Variants in LATS1 observed in about 807,000 individuals in gnomAD.
LATS1 encodes serine/threonine-protein kinase LATS1.
A neutral mutation model predicts 106.6 loss-of-function variants in LATS1; 25 were observed. That is an observed-to-expected ratio of 0.23 (90% CI 0.17 to 0.33). The LOEUF is 0.33. Ranked by LOEUF, LATS1 falls within the 10% of genes least tolerant of loss-of-function variation. LATS1 has a pLI of 1.00. For missense variants in LATS1, 1,040 were observed against 1,382.6 expected (o/e 0.75, Z 3.93); for synonymous variants, 465 against 455.6 (o/e 1.02, Z -0.26).
intron 2 of LATS1, among the ~76,000 whole-genome samples, chr6:149,699,852 G>A (rs1359081147): frequency 6.6e-6 from 1 of 152,130 alleles, no homozygotes; most frequent in East Asian, 1.9e-4. Flanking sequence ...TGACTTATCT[G>A]ACATAACACA....
chr6:149,674,474 T>A (rs1033933775), intron 7 of LATS1, among the ~76,000 whole-genome samples: 3 of 152,082 alleles, frequency 2.0e-5, no homozygotes, highest in Non-Finnish European at 4.4e-5. Flanking sequence ...TAGGCTCCAG[T>A]GACCCTCCAA....
Position 149,718,095 on chromosome 6 carries a change from C to G in LATS1, c.-387G>C, listed in dbSNP as rs2115051971. ...TCCACTCAGTGTCGCCGCCGCCGCA[C>G]TCCGCTGCAGGTTTCCCGGATGTGG... is the stretch of plus-strand genomic sequence containing the variant. On this transcript the variant is annotated 5_prime_UTR_variant, in exon 1 of 8. Coordinates refer to ENST00000543571, the MANE Select transcript of LATS1 (RefSeq NM_004690.4). 3.3e-6 allele frequency: 1 copy of G among 298,584 alleles called. No homozygotes were observed. Among genetic ancestry groups the G allele is most frequent in the Admixed American group, 6.0e-5 (1 of 16,656 alleles). The allele number at this position is 298,584 out of a possible 1,614,324, so 18.5% of individuals were successfully genotyped here. A position where few individuals can be genotyped will look rare whatever the true frequency, so the allele number is the denominator to read the frequency against.
At position 149,680,250 on chromosome 6, in the gene LATS1, C is replaced by T. The variant is rs1781960060; in HGVS notation, c.2218G>A (p.Asp740Asn). 5 of 1,613,906 alleles carry T rather than the reference C, an allele frequency of 3.1e-6. No homozygotes were observed. The highest frequency in any genetic ancestry group is 3.3e-5 in the Admixed American group (2 of 60,004). Residue 740 changes from aspartate (D) to asparagine (N), a missense_variant, in exon 5 of 8, where the codon GAT (aspartate) becomes AAT (asparagine). Coordinates refer to ENST00000543571, the MANE Select transcript of LATS1 (RefSeq NM_004690.4). ...LYATKTLRKK[D>N]VLLRNQVAHV... ...GCGACTTGATTTCGAAGAAGAACATCTTTCTTTCGAAGAGTTTTTGTTGCA... is the reference window on the plus strand; with the variant it reads ...GCGACTTGATTTCGAAGAAGAACATTTTTCTTTCGAAGAGTTTTTGTTGCA...
At position 149,658,410 on chromosome 6, in the gene LATS1, CTG is replaced by C. The variant is rs1295921166; in HGVS notation, c.*3317_*3318del. 3 of 152,130 alleles carry C rather than the reference CTG, an allele frequency of 2.0e-5. No homozygotes were observed. The highest frequency in any genetic ancestry group is 2.0e-4 in the Admixed American group (3 of 15,264). 9.4% of individuals were successfully genotyped at this position (152,130 alleles called of 1,614,324 possible). On this transcript the variant is annotated 3_prime_UTR_variant, in exon 8 of 8. Transcript: ENST00000543571. ...ATACACAATACAATATAAAAGTAAA[CTG>C]TGTAGTGCCTTCCACAAAGGGATAT...
intron 7 of LATS1, among the ~76,000 whole-genome samples, chr6:149,668,938 G>A (rs1430205161): frequency 1.3e-5 from 2 of 151,782 alleles, no homozygotes; most frequent in African/African-American, 2.4e-5. Flanking sequence ...CCCGCCCCAA[G>A]TAGCTGGGAC....
At chr6:149,664,960 C>G (rs1781064966) in intron 7 of LATS1, among the ~76,000 whole-genome samples, 1 of 152,124 alleles carries the variant, frequency 6.6e-6, no homozygotes, top group African/African-American at 2.4e-5. Context: ...AGTTCAGGCT[C>G]AGGGAGTAGA....
At chr6:149,680,933 C>A (rs1582869726) in intron 4 of LATS1, among the ~76,000 whole-genome samples, 1 of 151,846 alleles carries the variant, frequency 6.6e-6, no homozygotes, top group African/African-American at 2.4e-5. Flanking sequence ...AATTAATGTA[C>A]CAAAGAACAA....
chr6:149,704,334 T>C (rs1164951905), intron 1 of LATS1, among the ~76,000 whole-genome samples: 1 of 152,128 alleles, frequency 6.6e-6, no homozygotes, highest in Non-Finnish European at 1.5e-5. Flanking sequence ...TGTACAGATA[T>C]AAACAGATAA....
intron 5 of LATS1, 145 bp from the exon 6 acceptor site, chr6:149,676,882 GGTGT>G: frequency 6.0e-6 from 4 of 671,800 alleles, no homozygotes; most frequent in Non-Finnish European, 9.7e-6. Flanking sequence ...AATCACTGAT[GGTGT>G]TTATTACCAA....
chr6:149,694,084 C>T (rs1210013237), intron 3 of LATS1, among the ~76,000 whole-genome samples: 1 of 151,752 alleles, frequency 6.6e-6, no homozygotes, highest in Non-Finnish European at 1.5e-5. Context: ...AGTGAAACTC[C>T]ATCTCAAAAA....
Position 149,683,668 on chromosome 6 carries a change from C to T in LATS1, c.1421G>A (p.Ser474Asn), listed in dbSNP as rs757310233. Residue 474 changes from serine to asparagine, a missense_variant, in exon 4 of 8, where the codon AGT (serine) becomes AAT (asparagine). By Grantham distance (46) the Ser-to-Asn change is conservative. Transcript: ENST00000543571. ...AGAAGGCTGAGAATTAGCAGAGTGACTTGCTCTATTTCCTAATGGGTTATT... is the reference window on the plus strand; with the variant it reads ...AGAAGGCTGAGAATTAGCAGAGTGATTTGCTCTATTTCCTAATGGGTTATT... The part of the protein sequence containing the change: ...SFNNPLGNRA[S>N]HSANSQPSAT... 14 of 1,614,142 alleles carry T rather than the reference C, an allele frequency of 8.7e-6. No individual in the cohort carries two copies. Among genetic ancestry groups the T allele is most frequent in the Middle Eastern group, 1.6e-4 (1 of 6,062 alleles).
At chr6:149,682,415 C>CTTTT (rs869175355) in intron 4 of LATS1, among the ~76,000 whole-genome samples, 3 of 138,334 alleles carry the variant, frequency 2.2e-5, no homozygotes, top group Admixed American at 7.3e-5. Context: ...TTTCTTTTTT[C>CTTTT]TTTTTTTTTT....
chr6:149,675,891 A>C (rs1781691932), intron 7 of LATS1: 1 of 208,782 alleles, frequency 4.8e-6, no homozygotes, highest in Non-Finnish European at 9.7e-6. Context: ...ATGATATATG[A>C]GTATGCTGTA....
In LATS1 at chr6:149,684,429, T is replaced by C. The variant is rs1370863968; in HGVS notation, c.660A>G (p.Ile220Met). ...TAGGGTGAGCTTGAACAAATGCTGA[T>C]ATACCAGATCCAGACAAAGGTCTTC... is the stretch of plus-strand genomic sequence containing the variant. ...DVGRPLSGSG[I>M]SAFVQAHPSN... The change falls in exon 4 of 8, where the codon ATA becomes ATG. Residue 220 changes from isoleucine to methionine, a missense_variant. Ile to Met is a conservative substitution (Grantham distance 10). This residue lies in a region of LATS1 where 624 missense variants were observed against 714.8 expected (regional missense o/e 0.87). Transcript: ENST00000543571. 4 of 1,614,000 alleles carry C rather than the reference T, an allele frequency of 2.5e-6. No individual in the cohort carries two copies. Among genetic ancestry groups the C allele is most frequent in the Non-Finnish European group, 3.4e-6 (4 of 1,179,976 alleles).
chr6:149,676,391 G>T lies in LATS1; in HGVS notation c.2777-25C>A. On this transcript the variant is annotated intron_variant, in intron 6 of 7. Coordinates refer to ENST00000543571, the MANE Select transcript of LATS1 (RefSeq NM_004690.4). ...CCTAAAATAACAAAGTTATTTATAA[G>T]CACTTTAAAAATGCTCAGAATACAA... The T allele has an allele frequency of 6.6e-7, 1 of 1,517,214 alleles. No homozygotes were observed. Among genetic ancestry groups the T allele is most frequent in the Non-Finnish European group, 9.1e-7 (1 of 1,097,120 alleles). The allele number at this position is 1,517,214 out of a possible 1,614,324, so 94.0% of individuals were successfully genotyped here. A position where few individuals can be genotyped will look rare whatever the true frequency, so the allele number is the denominator to read the frequency against.
intron 7 of LATS1, among the ~76,000 whole-genome samples, chr6:149,671,611 T>C (rs1781449742): frequency 6.6e-6 from 1 of 152,046 alleles, no homozygotes; most frequent in East Asian, 1.9e-4. Flanking sequence ...GCCACTATCT[T>C]ACTGTCTACA....
intron 7 of LATS1, among the ~76,000 whole-genome samples, chr6:149,675,034 C>T (rs925971475): frequency 2.2e-4 from 34 of 152,010 alleles, no homozygotes; most frequent in South Asian, 1.7e-3. Context: ...CTGGCCAACA[C>T]GGTGAAACCT....
rs547390012 is a variant in LATS1, at chr6:149,676,158, C to G, written c.2883+102G>C. ...TGAGCCACTGCACCCGGCCCAAGTT[C>G]ATTCTTTAACTCCAGACTAAAATGC... On this transcript the variant is annotated intron_variant, in intron 7 of 7. Coordinates refer to ENST00000543571, the MANE Select transcript of LATS1 (RefSeq NM_004690.4). 4 of 809,994 alleles carry G rather than the reference C, an allele frequency of 4.9e-6. No homozygotes were observed. In the South Asian group the frequency reaches 5.9e-5, roughly 12 times the overall value. The allele number at this position is 809,994 out of a possible 1,614,324, so 50.2% of individuals were successfully genotyped here.
At chr6:149,707,243 T>C (rs1237747440) in intron 1 of LATS1, among the ~76,000 whole-genome samples, 1 of 152,104 alleles carries the variant, frequency 6.6e-6, no homozygotes, top group Non-Finnish European at 1.5e-5. Context: ...CTCGAACTCC[T>C]GACCTCGTGA....
Sources: allele counts gnomAD v4.1 joint callset (sites outside exome capture counted in the v4.1 genomes callset), GRCh38; gene constraint gnomAD v4.1.1; regional missense constraint gnomAD v4.1.1; transcripts MANE v1.5; gene names NCBI Gene and HGNC (gene_info 2026-07-23, HGNC 2026-07-21).